The following CTNNA2 variants were observed in gnomAD, a reference collection of about 807,000 sequenced individuals.
CTNNA2 encodes the protein catenin alpha 2, also known as catenin alpha-2.
Under a neutral mutation model 101.0 loss-of-function variants are expected in CTNNA2, and 42 were observed. The ratio of observed to expected loss-of-function variants is 0.42; its 90% CI spans 0.32 to 0.54. CTNNA2 has a LOEUF of 0.54. Among genes scored for constraint, CTNNA2 ranks in the 20% least tolerant of loss-of-function variants. The pLI, the probability that CTNNA2 is intolerant of heterozygous loss-of-function variation, is 0.14. For missense variants in CTNNA2, 871 were observed against 1,223.1 expected (o/e 0.71, Z 4.29); for synonymous variants, 450 against 456.4 (o/e 0.99, Z 0.18).
chr2:79,742,079 C>G (rs1671325765), intron 2 of CTNNA2, among the ~76,000 whole-genome samples: 1 of 152,152 alleles, frequency 6.6e-6, no homozygotes, highest in African/African-American at 2.4e-5. Flanking sequence ...TTAGGAACTT[C>G]CTGGTAATGT....
At chr2:80,390,915 A>G (rs1398887274) in intron 7 of CTNNA2, among the ~76,000 whole-genome samples, 1 of 152,066 alleles carries the variant, frequency 6.6e-6, no homozygotes, top group Admixed American at 6.5e-5. Context: ...GTGGATCACA[A>G]GGTCAGGAGT....
In CTNNA2 at chr2:79,670,083, G is replaced by T. The variant is rs79425477; in HGVS notation, c.102+18425G>T. ...TTGGGGGATACTTCCTGGGGCCCCC[G>T]AGGGTGCAGGCTGCAGAGATGCCCC... On this transcript the variant is annotated intron_variant, in intron 2 of 18. Coordinates refer to ENST00000402739, the MANE Select transcript of CTNNA2 (RefSeq NM_001282597.3). Among the ~76,000 whole-genome samples, 1,187 of 152,288 alleles carry T rather than the reference G, an allele frequency of 7.8e-3. 9 individuals are homozygous for T. Among genetic ancestry groups the T allele is most frequent in the African/African-American group, 0.027 (1,128 of 41,560 alleles).
chr2:79,394,502 G>C (rs1351967184), intron 4 of CTNNA2, among the ~76,000 whole-genome samples: 1 of 152,184 alleles, frequency 6.6e-6, no homozygotes, highest in Non-Finnish European at 1.5e-5. Context: ...GAGAAAGAAG[G>C]AATGAGCACT....
At chr2:80,397,902 G>A (rs1322446094) in intron 8 of CTNNA2, among the ~76,000 whole-genome samples, 3 of 152,064 alleles carry the variant, frequency 2.0e-5, no homozygotes, top group Admixed American at 6.5e-5. Context: ...ATGCACTCTG[G>A]GAAATACACG....
At chr2:79,392,658 G>T (rs1230921702) in intron 4 of CTNNA2, among the ~76,000 whole-genome samples, 1 of 152,054 alleles carries the variant, frequency 6.6e-6, no homozygotes, top group Non-Finnish European at 1.5e-5. Flanking sequence ...TTTTGGGAAA[G>T]ACTCTGCTTT....
chr2:79,894,037 T>C (rs1684504854), intron 6 of CTNNA2, among the ~76,000 whole-genome samples: 1 of 145,448 alleles, frequency 6.9e-6, no homozygotes, highest in Non-Finnish European at 1.5e-5. Context: ...TTCTTCTTCT[T>C]CTTCTTCTTC....
intron 7 of CTNNA2, among the ~76,000 whole-genome samples, chr2:79,914,022 C>T (rs1211967067): frequency 6.6e-6 from 1 of 151,380 alleles, no homozygotes. Flanking sequence ...AAAAAATTAG[C>T]CGGGCGTAGT....
intron 7 of CTNNA2, among the ~76,000 whole-genome samples, chr2:80,174,264 T>C (rs1366826133): frequency 6.6e-6 from 1 of 152,220 alleles, no homozygotes; most frequent in Non-Finnish European, 1.5e-5. Context: ...ATAATATGAT[T>C]TGGAGGGGTG....
chr2:80,062,702 C>CTTTTTTT (rs70940073), intron 7 of CTNNA2, among the ~76,000 whole-genome samples: 1 of 117,508 alleles, frequency 8.5e-6, no homozygotes, highest in Non-Finnish European at 1.7e-5. Context: ...GCACTGTGAT[C>CTTTTTTT]TTTTTTTTTT....
At chr2:80,468,237 A>G (rs1444730887) in intron 9 of CTNNA2, among the ~76,000 whole-genome samples, 4 of 152,142 alleles carry the variant, frequency 2.6e-5, no homozygotes, top group Non-Finnish European at 5.9e-5. Flanking sequence ...AACTAAATAC[A>G]ATTTAATACC....
intron 7 of CTNNA2, among the ~76,000 whole-genome samples, chr2:79,919,047 G>A (rs1338137028): frequency 1.3e-5 from 2 of 152,194 alleles, no homozygotes; most frequent in African/African-American, 4.8e-5. Context: ...AGAGGGATAT[G>A]GGCTTACTTG....
At chr2:80,016,835 A>G (rs1694184660) in intron 7 of CTNNA2, among the ~76,000 whole-genome samples, 1 of 152,212 alleles carries the variant, frequency 6.6e-6, no homozygotes, top group African/African-American at 2.4e-5. Flanking sequence ...ATAAATGATA[A>G]TCTGAGTTAA....
intron 4 of CTNNA2, among the ~76,000 whole-genome samples, chr2:79,861,238 G>C (rs1453255644): frequency 6.6e-6 from 1 of 152,140 alleles, no homozygotes; most frequent in African/African-American, 2.4e-5. Flanking sequence ...TTACCTTTAA[G>C]TGTTACACAT....
At chr2:79,216,949 A>T (rs941601477) in intron 2 of CTNNA2, among the ~76,000 whole-genome samples, 2 of 152,168 alleles carry the variant, frequency 1.3e-5, no homozygotes, top group African/African-American at 4.8e-5. Flanking sequence ...CAATGATTAA[A>T]CACCAAGGGA....
chr2:79,768,977 C>T (rs533395789), intron 3 of CTNNA2, among the ~76,000 whole-genome samples: 1 of 152,248 alleles, frequency 6.6e-6, no homozygotes, highest in South Asian at 2.1e-4. Flanking sequence ...GCCTCAGCCT[C>T]CTGAGTAGCT....
rs1469446617 is a variant in CTNNA2, at chr2:80,602,514, CAGA to C, written c.2190-1559_2190-1557del. On this transcript the variant is annotated intron_variant, in intron 15 of 18. Transcript: ENST00000402739. ...GATGAAGTTACAACAAATATTGTGTCAGAGTAAACATCAGAAAATAGATTTTCT... is the reference window on the plus strand; with the variant it reads ...GATGAAGTTACAACAAATATTGTGTCGTAAACATCAGAAAATAGATTTTCT... Among the ~76,000 whole-genome samples the C allele has an allele frequency of 2.6e-5, 4 of 152,096 alleles. No individual in the cohort carries two copies. In the East Asian group the frequency reaches 7.7e-4, roughly 29 times the overall value.
intron 7 of CTNNA2, among the ~76,000 whole-genome samples, chr2:80,386,209 C>T (rs1363153438): frequency 6.6e-6 from 1 of 152,110 alleles, no homozygotes; most frequent in Non-Finnish European, 1.5e-5. Context: ...CCCTTTTCAC[C>T]TTTACCTCCT....
chr2:80,496,683 C>A (rs767268700), intron 9 of CTNNA2, among the ~76,000 whole-genome samples: 1 of 152,038 alleles, frequency 6.6e-6, no homozygotes, highest in Non-Finnish European at 1.5e-5. Context: ...TAATTTTATT[C>A]TTCTTGCATG....
intron 1 of CTNNA2, among the ~76,000 whole-genome samples, chr2:79,645,116 A>G (rs1468521352): frequency 1.3e-5 from 2 of 151,816 alleles, no homozygotes; most frequent in African/African-American, 4.8e-5. Flanking sequence ...CGGAGTAGGT[A>G]GGACTACAGG....
Sources: allele counts gnomAD v4.1 joint callset (sites outside exome capture counted in the v4.1 genomes callset), GRCh38; gene constraint gnomAD v4.1.1; transcripts MANE v1.5; gene names NCBI Gene and HGNC (gene_info 2026-07-23, HGNC 2026-07-21).